Variants in MED12L observed in about 807,000 individuals in gnomAD.
MED12L encodes mediator of RNA polymerase II transcription subunit 12-like protein.
A neutral mutation model predicts 281.3 loss-of-function variants in MED12L; 60 were observed. The ratio of observed to expected loss-of-function variants is 0.21; its 90% CI spans 0.17 to 0.26. MED12L has a LOEUF of 0.26. Ranked by LOEUF, MED12L falls within the 10% of genes least tolerant of loss-of-function variation. MED12L has a pLI of 1.00. For missense variants in MED12L, 2,146 were observed against 2,680.9 expected (o/e 0.80, Z 4.41); for synonymous variants, 974 against 987.2 (o/e 0.99, Z 0.25).
rs779898840 is a variant in MED12L, at chr3:151,214,120, G to A, written c.2250+20454G>A. On this transcript the variant is annotated intron_variant, in intron 16 of 44. Transcript: ENST00000687756. ...AAAAGTCAGGCTCATCACAAAGTCA[G>A]CAATAACAATGTTCTTGAGATAGAT... The A allele has an allele frequency of 2.5e-6, 4 of 1,613,990 alleles. No homozygotes were observed. The South Asian group carries it at 4.4e-5, about 18-fold the overall frequency.
chr3:151,320,738 C>T (rs1405452917), intron 16 of MED12L, among the ~76,000 whole-genome samples: 1 of 152,148 alleles, frequency 6.6e-6, no homozygotes, highest in Non-Finnish European at 1.5e-5. Flanking sequence ...TACTGATACT[C>T]CTTCCTATGC....
At chr3:151,184,759 C>G (rs972994993) in intron 11 of MED12L, among the ~76,000 whole-genome samples, 1 of 152,114 alleles carries the variant, frequency 6.6e-6, no homozygotes, top group Non-Finnish European at 1.5e-5. Context: ...ATTGTTGGTT[C>G]GTTTTGGTGC....
intron 37 of MED12L, among the ~76,000 whole-genome samples, 190 bp from the exon 38 acceptor site, chr3:151,389,789 G>A (rs1327787419): frequency 6.6e-6 from 1 of 152,080 alleles, no homozygotes; most frequent in African/African-American, 2.4e-5. Flanking sequence ...TTTAAGTCAA[G>A]GAAAAGTTTA....
chr3:151,377,703 G>A (rs1454034436), intron 30 of MED12L, among the ~76,000 whole-genome samples: 3 of 152,154 alleles, frequency 2.0e-5, no homozygotes, highest in Non-Finnish European at 4.4e-5. Context: ...TGACAGAAAA[G>A]TATATTGTTT....
chr3:151,253,988 G>T (rs1577134892), intron 16 of MED12L, among the ~76,000 whole-genome samples: 2 of 131,338 alleles, frequency 1.5e-5, no homozygotes, highest in African/African-American at 2.9e-5. Context: ...TTTTTGTTTT[G>T]ATTTTTTCTT....
chr3:151,372,681 C>G lies in MED12L; in HGVS notation c.3779C>G (p.Pro1260Arg). The change falls in exon 27 of 45, where the codon CCA (proline) becomes CGA (arginine). Residue 1260 changes from proline (P) to arginine (R), a missense_variant. By Grantham distance (103) the Pro-to-Arg change is moderately radical. Around this residue, in one of 9 missense-constraint regions of MED12L, gnomAD observed 235 missense variants for 260.3 expected, o/e 0.90. Transcript: ENST00000687756. ...GATATCTGGACTGCCTCACAAAATC[C>G]AAAATCCTGTGGGAAAAGCATTTCC... ...ADDIWTASQN[P>R]KSCGKSISIE... 6.2e-7 allele frequency: 1 copy of G among 1,613,900 alleles called. No individual in the cohort carries two copies. The highest frequency in any genetic ancestry group is 8.5e-7 in the Non-Finnish European group (1 of 1,179,858).
At chr3:151,167,024 A>G (rs1449818215) in intron 11 of MED12L, among the ~76,000 whole-genome samples, 2 of 152,148 alleles carry the variant, frequency 1.3e-5, no homozygotes, top group African/African-American at 2.4e-5. Flanking sequence ...GCTCACACAC[A>G]TTATAGAACA....
At chr3:151,424,625 AAAAC>A (rs1194585299) in intron 43 of MED12L, among the ~76,000 whole-genome samples, 65 of 141,180 alleles carry the variant, frequency 4.6e-4, no homozygotes, top group African/African-American at 1.4e-3. Flanking sequence ...TGTCTCAAAA[AAAAC>A]AAAACAAAAC....
chr3:151,340,114 A>T (rs559716042), intron 16 of MED12L, among the ~76,000 whole-genome samples: 1 of 152,100 alleles, frequency 6.6e-6, no homozygotes, highest in Non-Finnish European at 1.5e-5. Flanking sequence ...CTCCTCACCT[A>T]TTTAGCGCTT....
chr3:151,105,783 A>T (rs1274500997), intron 2 of MED12L, among the ~76,000 whole-genome samples: 1 of 152,034 alleles, frequency 6.6e-6, no homozygotes, highest in Non-Finnish European at 1.5e-5. Flanking sequence ...ACTTCTCTAG[A>T]CCTGTATAGC....
intron 39 of MED12L, among the ~76,000 whole-genome samples, chr3:151,406,802 C>CTTTTTTTT (rs36114038): frequency 1.5e-5 from 2 of 137,366 alleles, no homozygotes; most frequent in Non-Finnish European, 3.1e-5. Context: ...TCTTCTTCTT[C>CTTTTTTTT]TTTTTTTTTT....
Position 151,374,547 on chromosome 3 carries a change from C to CAAAGAAAGAAAG in MED12L, c.3865-1463_3865-1452dup, listed in dbSNP as rs35163871. ...CTGGTAAGAGAGCAAGACTCTGTCT[C>CAAAGAAAGAAAG]AAAGAAAGAAAGAAAGAAAGAAAGA... On this transcript the variant is annotated intron_variant, in intron 27 of 44. Coordinates refer to ENST00000687756, the MANE Select transcript of MED12L (RefSeq NM_001393769.1). Among the ~76,000 whole-genome samples, 15 of 151,000 alleles carry CAAAGAAAGAAAG rather than the reference C, an allele frequency of 9.9e-5. No individual in the cohort carries two copies. In the South Asian group the frequency reaches 1.3e-3, roughly 13 times the overall value.
At chr3:151,269,252 T>C (rs577924954) in intron 16 of MED12L, among the ~76,000 whole-genome samples, 2 of 152,038 alleles carry the variant, frequency 1.3e-5, no homozygotes, top group South Asian at 4.1e-4. Flanking sequence ...AATACAAAAT[T>C]AGCCAGGTGT....
At chr3:151,185,543 A>G in intron 12 of MED12L, 82 bp downstream of exon 12, 2 of 1,441,602 alleles carry the variant, frequency 1.4e-6, no homozygotes, top group East Asian at 2.4e-5. Context: ...TCTTACCCTC[A>G]TTATGTTATT....
chr3:151,433,836 A>G lies in MED12L; in HGVS notation c.*1032A>G, dbSNP rs1392623260. ...TCTTTTGAATTTAATTATTACTGTC[A>G]GTGTCAGTCTTGGTTGTGTATTGCA... On this transcript the variant is annotated 3_prime_UTR_variant, in exon 45 of 45. Transcript: ENST00000687756. The G allele has an allele frequency of 6.6e-6, 1 of 152,638 alleles. No homozygotes were observed. 9.5% of individuals were successfully genotyped at this position (152,638 alleles called of 1,614,324 possible).
intron 40 of MED12L, 139 bp downstream of exon 40, chr3:151,409,471 A>G: frequency 1.4e-6 from 1 of 723,108 alleles, no homozygotes; most frequent in South Asian, 1.8e-5. Context: ...ATTATAATTG[A>G]TATTTCAAAA....
At chr3:151,382,505 T>C (rs1350239820) in intron 32 of MED12L, 151 bp from the exon 33 acceptor site, 1 of 490,572 alleles carries the variant, frequency 2.0e-6, no homozygotes, top group Non-Finnish European at 3.7e-6. Flanking sequence ...TCTTTCTGCA[T>C]GGAGGAAGAA....
At chr3:151,119,752 A>G (rs1413079651) in intron 3 of MED12L, among the ~76,000 whole-genome samples, 1 of 152,188 alleles carries the variant, frequency 6.6e-6, no homozygotes, top group South Asian at 2.1e-4. Context: ...CACTTCCGCT[A>G]CCACTCTTTC....
intron 3 of MED12L, among the ~76,000 whole-genome samples, chr3:151,121,881 A>ATT (rs35098561): frequency 6.1e-4 from 90 of 146,396 alleles, no homozygotes; most frequent in Non-Finnish European, 8.0e-4. Flanking sequence ...CTAATTTTGT[A>ATT]TTTTTTTTTT....
Sources: allele counts gnomAD v4.1 joint callset (sites outside exome capture counted in the v4.1 genomes callset), GRCh38; gene constraint gnomAD v4.1.1; regional missense constraint gnomAD v4.1.1; transcripts MANE v1.5; gene names NCBI Gene and HGNC (gene_info 2026-07-23, HGNC 2026-07-21).